The following SPAG16 variants were observed in gnomAD, a reference collection of about 807,000 sequenced individuals.
SPAG16 encodes the protein sperm associated antigen 16, also known as sperm-associated antigen 16 protein.
Under a neutral mutation model 80.4 loss-of-function variants are expected in SPAG16, and 86 were observed. The ratio of observed to expected loss-of-function variants is 1.07; its 90% confidence interval spans 0.90 to 1.28. The LOEUF is 1.28. SPAG16 is among the 50% of genes most tolerant of loss of function. The probability of loss-of-function intolerance (pLI) is 0.00; values close to 1 mark genes in which losing one functional copy is unlikely to be tolerated. For missense variants in SPAG16, 870 were observed against 765.3 expected (o/e 1.14, Z -1.61); for synonymous variants, 294 against 265.9 (o/e 1.11, Z -1.03).
intron 5 of SPAG16, among the ~76,000 whole-genome samples, chr2:213,331,116 AC>A (rs754264551): frequency 1.3e-5 from 2 of 152,206 alleles, no homozygotes; most frequent in East Asian, 1.9e-4. Flanking sequence ...TTTTTCTTTT[AC>A]TTTTCCTTCA....
At chr2:214,301,232 A>T (rs1185324282) in intron 15 of SPAG16, among the ~76,000 whole-genome samples, 1 of 151,344 alleles carries the variant, frequency 6.6e-6, no homozygotes, top group East Asian at 1.9e-4. Context: ...ATATCAATAG[A>T]TGTAGAAAAA....
chr2:214,387,194 T>C (rs1700808908), intron 15 of SPAG16, among the ~76,000 whole-genome samples: 1 of 152,200 alleles, frequency 6.6e-6, no homozygotes, highest in Non-Finnish European at 1.5e-5. Flanking sequence ...TCTCCCTCTT[T>C]TGTGTTCTTA....
chr2:214,126,884 T>G (rs1183227743), intron 14 of SPAG16, among the ~76,000 whole-genome samples: 1 of 151,894 alleles, frequency 6.6e-6, no homozygotes. Flanking sequence ...CATATATATT[T>G]TTAAAAGGAT....
At chr2:213,554,417 C>A (rs2059358889) in intron 10 of SPAG16, among the ~76,000 whole-genome samples, 1 of 152,100 alleles carries the variant, frequency 6.6e-6, no homozygotes, top group Admixed American at 6.6e-5. Flanking sequence ...TGCAAGAGGT[C>A]CAACAAATGT....
At chr2:213,965,698 T>C (rs1415635818) in intron 12 of SPAG16, among the ~76,000 whole-genome samples, 1 of 152,238 alleles carries the variant, frequency 6.6e-6, no homozygotes, top group Non-Finnish European at 1.5e-5. Context: ...AGCACTGTTA[T>C]GCTTTTTTCT....
intron 13 of SPAG16, among the ~76,000 whole-genome samples, chr2:214,062,020 C>CACACACAT (rs1553706944): frequency 0.044 from 6,398 of 146,544 alleles, 321 homozygotes; most frequent in African/African-American, 0.09. Context: ...CACACACACA[C>CACACACAT]GCAGTGTGTA....
intron 13 of SPAG16, among the ~76,000 whole-genome samples, chr2:214,070,592 T>A (rs985426450): frequency 6.6e-6 from 1 of 152,088 alleles, no homozygotes; most frequent in African/African-American, 2.4e-5. Context: ...TCTAGAAAAC[T>A]GGAATATTTC....
At chr2:213,871,055 T>TTAGGG (rs1484710099) in intron 11 of SPAG16, among the ~76,000 whole-genome samples, 9 of 152,158 alleles carry the variant, frequency 5.9e-5, no homozygotes, top group Non-Finnish European at 1.0e-4. Flanking sequence ...CTCACAAATA[T>TTAGGG]ACACATACAC....
intron 10 of SPAG16, among the ~76,000 whole-genome samples, chr2:213,673,939 TAAC>T (rs1232336982): frequency 6.6e-6 from 1 of 152,144 alleles, no homozygotes; most frequent in Non-Finnish European, 1.5e-5. Flanking sequence ...TATGAAATAT[TAAC>T]AACTTTAATA....
intron 15 of SPAG16, among the ~76,000 whole-genome samples, chr2:214,308,144 C>A (rs567231843): frequency 5.9e-5 from 9 of 152,030 alleles, no homozygotes; most frequent in Admixed American, 5.9e-4. Flanking sequence ...TTATGTAATG[C>A]CCTTCTGTGT....
At position 214,315,498 on chromosome 2, in the gene SPAG16, CTTTTTTAT is replaced by C. The variant is rs398042865; in HGVS notation, c.1721-94639_1721-94632del. ...TTATTCTTCCCCCCTCCAGCCCCATCTTTTTTATTTATTTATTTATTTATTTATTTATT... is the reference window on the plus strand; with the variant it reads ...TTATTCTTCCCCCCTCCAGCCCCATCTTATTTATTTATTTATTTATTTATT... On this transcript the variant is annotated intron_variant, in intron 15 of 15. Transcript: ENST00000331683. 3.4e-4 allele frequency among the ~76,000 whole-genome samples: 49 copies of C among 142,060 alleles called. 1 individual carries two copies. Among genetic ancestry groups the C allele is most frequent in the Non-Finnish European group, 4.5e-5 (3 of 66,232 alleles). 93.2% of individuals were successfully genotyped at this position (142,060 alleles called of 152,430 possible).
chr2:213,853,088 G>A (rs1021429164), intron 10 of SPAG16, among the ~76,000 whole-genome samples: 2 of 152,114 alleles, frequency 1.3e-5, no homozygotes. Context: ...ATTTTGATAC[G>A]GATTTATTTT....
chr2:214,200,871 G>T (rs976125258), intron 15 of SPAG16, among the ~76,000 whole-genome samples: 1 of 152,098 alleles, frequency 6.6e-6, no homozygotes, highest in African/African-American at 2.4e-5. Flanking sequence ...ATTAGCTTTT[G>T]ATTCAAGAAA....
intron 12 of SPAG16, among the ~76,000 whole-genome samples, chr2:213,991,405 A>G (rs2046274092): frequency 6.6e-6 from 1 of 152,126 alleles, no homozygotes; most frequent in African/African-American, 2.4e-5. Context: ...TCTATCACTG[A>G]TGGGCATTTG....
chr2:213,899,753 G>C (rs1357941489), intron 11 of SPAG16, among the ~76,000 whole-genome samples: 3 of 152,012 alleles, frequency 2.0e-5, no homozygotes, highest in African/African-American at 7.2e-5. Context: ...GGCTTTGTCA[G>C]GTGTGCAATA....
At chr2:213,904,613 A>G (rs530957572) in intron 11 of SPAG16, among the ~76,000 whole-genome samples, 1 of 151,722 alleles carries the variant, frequency 6.6e-6, no homozygotes, top group Non-Finnish European at 1.5e-5. Flanking sequence ...AAAAAAAAAA[A>G]AAAAAAAACA....
At chr2:214,078,067 A>G (rs1017581048) in intron 13 of SPAG16, among the ~76,000 whole-genome samples, 3 of 152,064 alleles carry the variant, frequency 2.0e-5, no homozygotes, top group Non-Finnish European at 4.4e-5. Flanking sequence ...TATTGCTTAG[A>G]TGTGTTCCTG....
At chr2:213,833,201 C>T (rs751704327) in intron 10 of SPAG16, among the ~76,000 whole-genome samples, 3 of 150,474 alleles carry the variant, frequency 2.0e-5, no homozygotes, top group African/African-American at 4.9e-5. Context: ...TATCCTTCCT[C>T]GCTTCAAATA....
chr2:214,377,503 C>T (rs1316097329), intron 15 of SPAG16, among the ~76,000 whole-genome samples: 1 of 152,138 alleles, frequency 6.6e-6, no homozygotes, highest in South Asian at 2.1e-4. Context: ...GGTATTTTCT[C>T]TTTCGTATTA....
Sources: allele counts gnomAD v4.1 joint callset (sites outside exome capture counted in the v4.1 genomes callset), GRCh38; gene constraint gnomAD v4.1.1; transcripts MANE v1.5; gene names NCBI Gene and HGNC (gene_info 2026-07-23, HGNC 2026-07-21).